The following SFXN5 variants were observed in gnomAD, a reference collection of about 807,000 sequenced individuals.
SFXN5 encodes the protein sideroflexin 5.
SFXN5 carries 43 observed loss-of-function variants against 50.2 expected under a neutral mutation model. The ratio of observed to expected loss-of-function variants is 0.86; its 90% CI spans 0.67 to 1.11. The LOEUF (loss-of-function observed/expected upper bound fraction) is 1.11. Among genes scored for constraint, SFXN5 ranks in the 50% least tolerant of loss-of-function variants. The probability of loss-of-function intolerance (pLI) is 0.00; values close to 1 mark genes in which losing one functional copy is unlikely to be tolerated. For missense variants in SFXN5, 463 were observed against 454.1 expected, an observed-to-expected ratio of 1.02 and a Z score of -0.18; for synonymous variants, 203 against 185.8, an observed-to-expected ratio of 1.09 and a Z score of -0.75.
chr2:73,065,257 C>T (rs149510876), intron 1 of SFXN5, among the ~76,000 whole-genome samples: 8 of 152,070 alleles, frequency 5.3e-5, no homozygotes, highest in South Asian at 2.1e-4. Flanking sequence ...CATGCTACCA[C>T]GCCGAGCTAG....
In SFXN5 at chr2:72,972,665, G is replaced by A. The variant is rs372909357; in HGVS notation, c.626-980C>T. ...AACTCTCCCAGCCCCGCTGCAGGAT[G>A]GAAGTGGGGGGACCTGGGAGGGGTG... is the stretch of plus-strand genomic sequence containing the variant. On this transcript the variant is annotated intron_variant, in intron 10 of 13. Coordinates refer to ENST00000272433, the MANE Select transcript of SFXN5 (RefSeq NM_144579.3). Among the ~76,000 whole-genome samples the A allele has an allele frequency of 3.8e-4, 58 of 152,352 alleles. No homozygotes were observed. The South Asian group carries it at 0.012, about 30-fold the overall frequency.
rs1255519811 is a variant in SFXN5, at chr2:72,971,255, G to C, written c.741+315C>G. ...GGCCCGGGCAGAGGCAAGGGGAAGA[G>C]AGCTCTGAGGGAGTCTCCTCTGCCC... On this transcript the variant is annotated intron_variant, in intron 11 of 13. Coordinates refer to ENST00000272433, the MANE Select transcript of SFXN5 (RefSeq NM_144579.3). Among the ~76,000 whole-genome samples, 5 of 152,256 alleles carry C rather than the reference G, an allele frequency of 3.3e-5. No individual in the cohort carries two copies. In the South Asian group the frequency reaches 8.3e-4, roughly 25 times the overall value.
intron 1 of SFXN5, chr2:73,058,975 TCAGGACC>T: frequency 1.2e-6 from 1 of 843,064 alleles, no homozygotes; most frequent in Admixed American, 5.2e-5. Context: ...CCTGCCTTGC[TCAGGACC>T]TTGAGTGACA....
chr2:72,961,326 A>G lies in SFXN5; in HGVS notation c.828-78T>C. The G allele has an allele frequency of 3.1e-6, 3 of 972,076 alleles. No homozygotes were observed. The South Asian group carries it at 5.2e-5, about 17-fold the overall frequency. The allele number at this position is 972,076 out of a possible 1,614,324, so 60.2% of individuals were successfully genotyped here. A position where few individuals can be genotyped will look rare whatever the true frequency, so the allele number is the denominator to read the frequency against. On this transcript the variant is annotated intron_variant, in intron 12 of 13. Transcript: ENST00000272433. This position sits in a 1 kb window ranked among gnomAD's most constrained non-coding sequence, Gnocchi z 4.4. ...GCTGCCAGCCACCATGCTGGGTCCCACTCTGTCTCTGGGCCCAGGAAGCGT... is the reference window on the plus strand; with the variant it reads ...GCTGCCAGCCACCATGCTGGGTCCCGCTCTGTCTCTGGGCCCAGGAAGCGT...
intron 5 of SFXN5, among the ~76,000 whole-genome samples, chr2:73,021,341 A>C (rs1256542797): frequency 6.6e-6 from 1 of 152,096 alleles, no homozygotes; most frequent in East Asian, 1.9e-4. Context: ...AAAATTAGCC[A>C]GGTGTGGTAG....
At chr2:73,009,128 C>T (rs780117856) in intron 6 of SFXN5, among the ~76,000 whole-genome samples, 8 of 152,200 alleles carry the variant, frequency 5.3e-5, no homozygotes, top group Admixed American at 1.3e-4. Flanking sequence ...CTGGCACCCT[C>T]GTTTCTATTT....
chr2:72,972,338 C>A (rs894173912), intron 10 of SFXN5, among the ~76,000 whole-genome samples: 1 of 152,240 alleles, frequency 6.6e-6, no homozygotes, highest in Non-Finnish European at 1.5e-5. Context: ...CCTCTGAATA[C>A]TCAGGGGGCA....
chr2:73,041,058 G>C (rs1679567652), intron 2 of SFXN5, 127 bp from the exon 3 acceptor site: 1 of 603,564 alleles, frequency 1.7e-6, no homozygotes, highest in Non-Finnish European at 2.8e-6. Flanking sequence ...TCAGTTCATG[G>C]GACACACACA....
intron 6 of SFXN5, among the ~76,000 whole-genome samples, chr2:73,009,508 T>A (rs1675214852): frequency 6.6e-6 from 1 of 152,222 alleles, no homozygotes; most frequent in African/African-American, 2.4e-5. Context: ...AGGATACAGA[T>A]ATCTGGGGCT....
At chr2:73,022,134 T>C (rs940062625) in intron 5 of SFXN5, among the ~76,000 whole-genome samples, 70 of 152,042 alleles carry the variant, frequency 4.6e-4, no homozygotes, top group African/African-American at 1.5e-3. Context: ...GAGCAGGACT[T>C]GGAAGGAAAC....
intron 6 of SFXN5, among the ~76,000 whole-genome samples, chr2:73,013,699 T>C (rs1002180248): frequency 8.5e-5 from 13 of 152,092 alleles, no homozygotes; most frequent in African/African-American, 3.1e-4. Flanking sequence ...TTTAAATATA[T>C]GTATAAAATG....
chr2:72,968,597 C>T, intron 11 of SFXN5, 64 bp from the exon 12 acceptor site: 1 of 1,493,828 alleles, frequency 6.7e-7, no homozygotes, highest in Non-Finnish European at 9.3e-7. Flanking sequence ...AGCACACCAC[C>T]CAGAGCCCTA....
At chr2:73,022,358 G>A (rs376044295) in intron 5 of SFXN5, among the ~76,000 whole-genome samples, 164 bp downstream of exon 5, 2 of 152,304 alleles carry the variant, frequency 1.3e-5, no homozygotes, top group African/African-American at 4.8e-5. Flanking sequence ...GGCCTGGCCA[G>A]CGCCTTGTAC....
chr2:72,999,562 A>T (rs982234223), intron 8 of SFXN5, among the ~76,000 whole-genome samples: 2 of 151,780 alleles, frequency 1.3e-5, no homozygotes, highest in Non-Finnish European at 2.9e-5. Context: ...CTGTGCTACA[A>T]CTGCAGGTCT....
At chr2:73,054,601 T>C (rs1681845762) in intron 2 of SFXN5, among the ~76,000 whole-genome samples, 1 of 152,096 alleles carries the variant, frequency 6.6e-6, no homozygotes, top group Non-Finnish European at 1.5e-5. Flanking sequence ...TGCTCATCCA[T>C]CACCAAAGCC....
At chr2:72,947,328 ACAC>A (rs1038148460) in intron 13 of SFXN5, among the ~76,000 whole-genome samples, 1 of 152,238 alleles carries the variant, frequency 6.6e-6, no homozygotes, top group Non-Finnish European at 1.5e-5. Flanking sequence ...TCCCCTGGAG[ACAC>A]CACATCAGCC....
At chr2:72,996,724 G>A (rs1673296460) in intron 9 of SFXN5, 1 of 152,060 alleles carries the variant, frequency 6.6e-6, no homozygotes, top group African/African-American at 2.4e-5. Context: ...CTCAGGCTGA[G>A]AAGCTGATTC....
At chr2:73,009,813 T>C (rs910734560) in intron 6 of SFXN5, among the ~76,000 whole-genome samples, 3 of 152,026 alleles carry the variant, frequency 2.0e-5, no homozygotes, top group Admixed American at 6.6e-5. Flanking sequence ...TACAGGGCCA[T>C]AGTGACCCTG....
At chr2:72,962,536 C>T (rs747507171) in intron 12 of SFXN5, among the ~76,000 whole-genome samples, 1 of 152,250 alleles carries the variant, frequency 6.6e-6, no homozygotes, top group Non-Finnish European at 1.5e-5. Context: ...TCAGTGGGCA[C>T]TGGACCTGGA....
Sources: gnomAD v4.1 joint callset for allele counts (sites outside exome capture counted in the v4.1 genomes callset) on GRCh38, gnomAD v4.1.1 for gene constraint, Gnocchi (gnomAD v3.1) non-coding constraint, MANE v1.5 for transcripts, NCBI Gene and HGNC (gene_info 2026-07-23, HGNC 2026-07-21) for gene names.